GABRG2: variants seen among roughly 807,000 people sequenced by gnomAD.
The protein encoded by GABRG2 is gamma-aminobutyric acid receptor subunit gamma-2.
In GABRG2, 16 loss-of-function variants were observed where a neutral mutation model predicts 56.4. That is an observed-to-expected ratio of 0.28 (90% CI 0.19 to 0.43). The LOEUF is 0.43. Among genes scored for constraint, GABRG2 ranks in the 20% least tolerant of loss-of-function variants. GABRG2 has a pLI of 1.00. For synonymous variants in GABRG2, 208 were observed against 205.5 expected (o/e 1.01, Z -0.10); for missense variants, 327 against 582.7 (o/e 0.56, Z 4.52).
At chr5:162,139,240 A>T (rs2113581101) in intron 6 of GABRG2, among the ~76,000 whole-genome samples, 1 of 152,354 alleles carries the variant, frequency 6.6e-6, no homozygotes, top group African/African-American at 2.4e-5. Context: ...GGAGGAATAA[A>T]TCTGAAGTGG....
At chr5:162,151,668 A>AT (rs1044397787) in intron 8 of GABRG2, 62 bp from the exon 9 acceptor site, 59 of 1,367,632 alleles carry the variant, frequency 4.3e-5, no homozygotes, top group South Asian at 6.4e-5. Context: ...TTTTTTTTTC[A>AT]TTTTTTTTCT....
intron 6 of GABRG2, among the ~76,000 whole-genome samples, chr5:162,138,408 T>A (rs1011163615): frequency 6.6e-6 from 1 of 152,300 alleles, no homozygotes; most frequent in Non-Finnish European, 1.5e-5. Flanking sequence ...AAAAGCTAGA[T>A]AGAATGCATT....
intron 6 of GABRG2, among the ~76,000 whole-genome samples, chr5:162,129,740 T>C (rs1473032238): frequency 3.3e-5 from 5 of 151,986 alleles, no homozygotes; most frequent in African/African-American, 1.2e-4. Context: ...AAATGTTGTA[T>C]TCCTTAAATT....
In GABRG2 at chr5:162,067,987, A is replaced by G. The variant is rs780757403; in HGVS notation, c.-13A>G. Reference sequence around the variant, plus strand: ...AAGAGGCAAGAGGCGAGAGAAGGAAAAAAAAAAAAGCGATGAGTTCGCCAA... The same window carrying G: ...AAGAGGCAAGAGGCGAGAGAAGGAAGAAAAAAAAAGCGATGAGTTCGCCAA... On this transcript the variant is annotated 5_prime_UTR_variant, in exon 1 of 10. Transcript: ENST00000639213. The G allele has an allele frequency of 3.2e-5, 51 of 1,580,998 alleles. No homozygotes were observed. Among genetic ancestry groups the G allele is most frequent in the Non-Finnish European group, 4.2e-5 (48 of 1,152,492 alleles).
chr5:162,094,042 G>C, intron 2 of GABRG2, 63 bp downstream of exon 2: 6 of 1,521,756 alleles, frequency 3.9e-6, no homozygotes, highest in Non-Finnish European at 5.5e-6. Context: ...TACTTTAATA[G>C]ATAAAACATC....
rs768576864 is a variant in GABRG2, at chr5:162,153,111, C to T, written c.1171C>T (p.Arg391Cys). 2 of 1,614,020 alleles carry T rather than the reference C, an allele frequency of 1.2e-6. No individual in the cohort carries two copies. The highest frequency in any genetic ancestry group is 1.7e-6 in the Non-Finnish European group (2 of 1,179,970). Reference protein sequence around the residue: ...FSFKAPTIDIRPRSATIQMNN... With the variant: ...FSFKAPTIDICPRSATIQMNN... ...GTCCCAGGCCCCTACCATTGATATC[C>T]GCCCAAGATCAGCAACCATTCAAAT... Residue 391 changes from arginine to cysteine, a missense_variant, in exon 10 of 10, where the codon CGC becomes TGC. Arg to Cys is a radical substitution (Grantham distance 180). This residue lies in a region of GABRG2 where 108 missense variants were observed against 144.2 expected (regional missense o/e 0.75). Coordinates refer to ENST00000639213, the MANE Select transcript of GABRG2 (RefSeq NM_198904.4).
chr5:162,085,841 G>C (rs1176599831), intron 1 of GABRG2, among the ~76,000 whole-genome samples: 1 of 151,760 alleles, frequency 6.6e-6, no homozygotes, highest in Non-Finnish European at 1.5e-5. Flanking sequence ...TTGGTTTTCT[G>C]TTCCTGTGTT....
intron 1 of GABRG2, among the ~76,000 whole-genome samples, chr5:162,086,285 AC>A (rs1420622703): frequency 6.6e-6 from 1 of 151,972 alleles, no homozygotes; most frequent in Non-Finnish European, 1.5e-5. Context: ...AAAAATTCAT[AC>A]TCATATTTTG....
chr5:162,091,316 T>C (rs1360264922), intron 1 of GABRG2, among the ~76,000 whole-genome samples: 3 of 151,906 alleles, frequency 2.0e-5, no homozygotes, highest in African/African-American at 7.2e-5. Flanking sequence ...TGTTCCATTA[T>C]TAAGGAATTT....
intron 6 of GABRG2, among the ~76,000 whole-genome samples, chr5:162,123,538 G>C (rs1763116804): frequency 6.6e-6 from 1 of 151,830 alleles, no homozygotes; most frequent in South Asian, 2.1e-4. Context: ...TGTCTTGGGA[G>C]TTACAGCAAA....
At chr5:162,098,981 T>A (rs1761209004) in intron 4 of GABRG2, 1 of 152,134 alleles carries the variant, frequency 6.6e-6, no homozygotes. Context: ...GTAAAGTGAT[T>A]AACATAGAGC....
intron 7 of GABRG2, among the ~76,000 whole-genome samples, chr5:162,145,746 T>A (rs1012267440): frequency 6.6e-6 from 1 of 152,154 alleles, no homozygotes; most frequent in African/African-American, 2.4e-5. Flanking sequence ...AATTAACTCA[T>A]CTACAGTACC....
chr5:162,147,973 T>G (rs1765088448), intron 7 of GABRG2, among the ~76,000 whole-genome samples: 1 of 152,114 alleles, frequency 6.6e-6, no homozygotes, highest in Admixed American at 6.5e-5. Context: ...AGGCCTAGAG[T>G]GTTAAGATAA....
intron 6 of GABRG2, among the ~76,000 whole-genome samples, chr5:162,104,804 A>T (rs1561645499): frequency 6.6e-6 from 1 of 152,180 alleles, no homozygotes; most frequent in Non-Finnish European, 1.5e-5. Context: ...ATTAAATCTC[A>T]TGATTTGTAA....
At chr5:162,128,843 T>C (rs1763522976) in intron 6 of GABRG2, among the ~76,000 whole-genome samples, 1 of 151,968 alleles carries the variant, frequency 6.6e-6, no homozygotes, top group Non-Finnish European at 1.5e-5. Context: ...AATGCCATTG[T>C]GAGAAATTTT....
chr5:162,134,543 T>A (rs1763980663), intron 6 of GABRG2, among the ~76,000 whole-genome samples: 1 of 152,194 alleles, frequency 6.6e-6, no homozygotes, highest in Non-Finnish European at 1.5e-5. Context: ...ATAAAGAAGT[T>A]GAGACTCAGA....
chr5:162,140,078 G>A (rs899925093), intron 6 of GABRG2, among the ~76,000 whole-genome samples: 1 of 152,128 alleles, frequency 6.6e-6, no homozygotes, highest in African/African-American at 2.4e-5. Context: ...GCTTTAAATA[G>A]CTTATGTTCA....
At chr5:162,099,963 C>T (rs1221343311) in intron 4 of GABRG2, 1 of 151,976 alleles carries the variant, frequency 6.6e-6, no homozygotes, top group Non-Finnish European at 1.5e-5. Context: ...AGTAATAATA[C>T]TAATAAAATA....
At chr5:162,125,370 A>G (rs1763263586) in intron 6 of GABRG2, among the ~76,000 whole-genome samples, 2 of 151,638 alleles carry the variant, frequency 1.3e-5, no homozygotes, top group African/African-American at 4.8e-5. Context: ...TACGTTTTAA[A>G]ATTTTATCAT....
Sources: allele counts gnomAD v4.1 joint callset (sites outside exome capture counted in the v4.1 genomes callset), GRCh38; gene constraint gnomAD v4.1.1; regional missense constraint gnomAD v4.1.1; transcripts MANE v1.5; gene names NCBI Gene and HGNC (gene_info 2026-07-23, HGNC 2026-07-21).